THSD4: variants seen among roughly 807,000 people sequenced by gnomAD.
THSD4 encodes the protein thrombospondin type-1 domain-containing protein 4.
In THSD4, 69 loss-of-function variants were observed where a neutral mutation model predicts 119.0. That is an observed-to-expected ratio of 0.58 (90% CI 0.48 to 0.71). The LOEUF is 0.71. THSD4 is among the 30% of genes least tolerant of loss of function. THSD4 has a pLI of 0.00. For missense variants in THSD4, 1,393 were observed against 1,391.1 expected (o/e 1.00, Z -0.02); for synonymous variants, 524 against 540.4 (o/e 0.97, Z 0.42).
intron 17 of THSD4, among the ~76,000 whole-genome samples, chr15:71,774,925 T>A (rs2053887662): frequency 6.6e-6 from 1 of 152,100 alleles, no homozygotes; most frequent in Non-Finnish European, 1.5e-5. Context: ...GGCAGGCGGA[T>A]CATGAGGTCA....
intron 6 of THSD4, among the ~76,000 whole-genome samples, chr15:71,322,130 A>G (rs961768413): frequency 6.6e-6 from 1 of 152,178 alleles, no homozygotes; most frequent in African/African-American, 2.4e-5. Flanking sequence ...ATACAGTGTT[A>G]TGGAATTTAG....
intron 7 of THSD4, among the ~76,000 whole-genome samples, chr15:71,541,181 TA>T (rs1167558036): frequency 2.6e-5 from 4 of 152,252 alleles, no homozygotes; most frequent in East Asian, 1.9e-4. Context: ...TTTAATACTA[TA>T]TTTTTTTAAC....
chr15:71,334,872 A>T (rs1470887919), intron 6 of THSD4, among the ~76,000 whole-genome samples: 1 of 152,216 alleles, frequency 6.6e-6, no homozygotes, highest in African/African-American at 2.4e-5. Context: ...TCTATCTGGG[A>T]CAAAGGGGGA....
chr15:71,592,349 T>A (rs1385002642), intron 7 of THSD4, among the ~76,000 whole-genome samples: 1 of 152,176 alleles, frequency 6.6e-6, no homozygotes, highest in Non-Finnish European at 1.5e-5. Flanking sequence ...GGGAGAAGGC[T>A]GTTGGCAGCC....
At chr15:71,519,499 T>C (rs1170693318) in intron 7 of THSD4, among the ~76,000 whole-genome samples, 1 of 152,066 alleles carries the variant, frequency 6.6e-6, no homozygotes, top group East Asian at 1.9e-4. Context: ...GTAGCTGGGA[T>C]TACAGGTGCC....
At chr15:71,152,909 G>T (rs996412625) in intron 2 of THSD4, among the ~76,000 whole-genome samples, 5 of 152,080 alleles carry the variant, frequency 3.3e-5, no homozygotes, top group African/African-American at 4.8e-5. Flanking sequence ...CTAGGAGGGG[G>T]GTCACCTCAT....
intron 7 of THSD4, among the ~76,000 whole-genome samples, chr15:71,422,156 T>C (rs1185834524): frequency 6.6e-6 from 1 of 152,354 alleles, no homozygotes; most frequent in African/African-American, 2.4e-5. Flanking sequence ...TGGTCCCTGA[T>C]GCCTTATTTA....
intron 7 of THSD4, among the ~76,000 whole-genome samples, chr15:71,588,116 C>G (rs2049718674): frequency 6.6e-6 from 1 of 151,884 alleles, no homozygotes; most frequent in Non-Finnish European, 1.5e-5. Flanking sequence ...ACCATCCTGG[C>G]TAACATGGTG....
At chr15:71,577,710 T>TTTTATGTTATGTTATG (rs1176297693) in intron 7 of THSD4, among the ~76,000 whole-genome samples, 1 of 71,428 alleles carries the variant, frequency 1.4e-5, no homozygotes, top group African/African-American at 4.4e-5. Context: ...CCTTTATTTA[T>TTTTATGTTATGTTATG]TTATTTTATT....
intron 7 of THSD4, among the ~76,000 whole-genome samples, chr15:71,624,404 A>G (rs1481994785): frequency 6.6e-6 from 1 of 152,236 alleles, no homozygotes; most frequent in Non-Finnish European, 1.5e-5. Context: ...CAATTTGTAA[A>G]CACTTTAAAT....
chr15:71,624,571 A>G lies in THSD4; in HGVS notation c.1153-35959A>G, dbSNP rs184819793. 5.7e-3 allele frequency among the ~76,000 whole-genome samples: 871 copies of G among 152,040 alleles called. 6 individuals are homozygous for G. Among genetic ancestry groups the G allele is most frequent in the Non-Finnish European group, 9.2e-3 (625 of 67,986 alleles). On this transcript the variant is annotated intron_variant, in intron 7 of 17. Coordinates refer to ENST00000261862, the MANE Select transcript of THSD4 (RefSeq NM_024817.3). ...GCATTTTGTGTGTGGCTTAATTGAA[A>G]CCCTGTGTTTTGGACTCATTTGGTG...
At chr15:71,196,253 C>G (rs1202376353) in intron 3 of THSD4, among the ~76,000 whole-genome samples, 2 of 152,144 alleles carry the variant, frequency 1.3e-5, no homozygotes, top group Non-Finnish European at 2.9e-5. Context: ...TTAATATTAT[C>G]ACATTGGCAG....
chr15:71,752,655 T>A (rs901334761), intron 14 of THSD4, among the ~76,000 whole-genome samples: 4 of 152,228 alleles, frequency 2.6e-5, no homozygotes, highest in African/African-American at 9.6e-5. Flanking sequence ...CTGAGCCAGC[T>A]ACTGATTCAC....
At chr15:71,349,891 A>G (rs749455234) in intron 6 of THSD4, among the ~76,000 whole-genome samples, 2 of 152,058 alleles carry the variant, frequency 1.3e-5, no homozygotes, top group Non-Finnish European at 2.9e-5. Context: ...GGTCTCAGGA[A>G]GGAGGTGGAG....
At chr15:71,621,348 T>C (rs145885748) in intron 7 of THSD4, among the ~76,000 whole-genome samples, 23 of 152,306 alleles carry the variant, frequency 1.5e-4, no homozygotes, top group African/African-American at 4.8e-4. Flanking sequence ...AAAGAACCCA[T>C]GAGTTGCTAG....
chr15:71,752,568 G>A (rs2053466823), intron 14 of THSD4, among the ~76,000 whole-genome samples: 2 of 152,200 alleles, frequency 1.3e-5, no homozygotes, highest in Admixed American at 6.5e-5. Context: ...GAGTGGGAAG[G>A]GAGTACTATT....
chr15:71,359,874 GA>G (rs1251192702), intron 6 of THSD4, among the ~76,000 whole-genome samples: 1 of 152,108 alleles, frequency 6.6e-6, no homozygotes, highest in Non-Finnish European at 1.5e-5. Context: ...AAGAAAAAGA[GA>G]AAGATGTGAG....
rs111707595 is a variant in THSD4 at position 71,297,320 on chromosome 15, T to TTTTTTTTTTTTG, written c.1015+40608_1015+40609insTTTTTTTTGTTT. Reference sequence around the variant, plus strand: ...AAGTCCTTTGCTCTCCTCTTCTTTTTTTTGTTTGTTTGTTTGTTTGTTTGT... The same window carrying TTTTTTTTTTTTG: ...AAGTCCTTTGCTCTCCTCTTCTTTTTTTTTTTTTTTTGTTTGTTTGTTTGTTTGTTTGTTTGT... On this transcript the variant is annotated intron_variant, in intron 6 of 17. Coordinates refer to ENST00000261862, the MANE Select transcript of THSD4 (RefSeq NM_024817.3). 7.2e-3 allele frequency among the ~76,000 whole-genome samples: 1,060 copies of TTTTTTTTTTTTG among 147,958 alleles called. 3 individuals are homozygous for TTTTTTTTTTTTG. The highest frequency in any genetic ancestry group is 0.012 in the Non-Finnish European group (825 of 66,902).
chr15:71,266,112 G>T (rs189132722), intron 6 of THSD4, among the ~76,000 whole-genome samples: 5 of 152,336 alleles, frequency 3.3e-5, no homozygotes, highest in Admixed American at 6.5e-5. Context: ...GCTCTGGTAA[G>T]GGACAGACTG....
Sources: gnomAD v4.1 joint callset for allele counts (sites outside exome capture counted in the v4.1 genomes callset) on GRCh38, gnomAD v4.1.1 for gene constraint, MANE v1.5 for transcripts, NCBI Gene and HGNC (gene_info 2026-07-23, HGNC 2026-07-21) for gene names.